The following MYO18B variants were observed in gnomAD, a reference collection of about 807,000 sequenced individuals.
MYO18B encodes the protein unconventional myosin-XVIIIb.
In MYO18B, 204 loss-of-function variants were observed where a neutral mutation model predicts 273.0. That is an observed-to-expected ratio of 0.75 (90% CI 0.67 to 0.84). The LOEUF (loss-of-function observed/expected upper bound fraction) is 0.84. Ranked by LOEUF, MYO18B falls within the 40% of genes least tolerant of loss-of-function variation. The probability of loss-of-function intolerance (pLI) is 0.00; values close to 1 mark genes in which losing one functional copy is unlikely to be tolerated. For synonymous variants in MYO18B, 1,330 were observed against 1,305.7 expected, an observed-to-expected ratio of 1.02 and a Z score of -0.40; for missense variants, 3,212 against 3,287.6, an observed-to-expected ratio of 0.98 and a Z score of 0.56.
intron 21 of MYO18B, among the ~76,000 whole-genome samples, chr22:25,856,741 C>G (rs969915227): frequency 2.6e-5 from 4 of 152,122 alleles, no homozygotes; most frequent in African/African-American, 9.7e-5. Context: ...TAAAAGATGC[C>G]AAGTGCCAAG....
intron 17 of MYO18B, 111 bp downstream of exon 17, chr22:25,835,554 T>C: frequency 7.4e-7 from 1 of 1,345,238 alleles, no homozygotes; most frequent in Non-Finnish European, 1.0e-6. Context: ...GGCTCCAACG[T>C]GCAGAGGTGA....
chr22:25,758,454 T>C (rs2086196777), intron 1 of MYO18B, among the ~76,000 whole-genome samples: 1 of 151,570 alleles, frequency 6.6e-6, no homozygotes, highest in South Asian at 2.1e-4. Flanking sequence ...TCATCACCTG[T>C]TGCATGGATT....
chr22:25,941,405 A>G (rs1429895269), intron 34 of MYO18B, among the ~76,000 whole-genome samples: 2 of 152,142 alleles, frequency 1.3e-5, no homozygotes, highest in Non-Finnish European at 2.9e-5. Flanking sequence ...TCGCCTGTCA[A>G]CCCAACCACC....
chr22:25,788,810 AC>A (rs1301746791), intron 11 of MYO18B, among the ~76,000 whole-genome samples: 1 of 152,054 alleles, frequency 6.6e-6, no homozygotes, highest in African/African-American at 2.4e-5. Context: ...CTGAAAACTC[AC>A]TGGCGACAGT....
chr22:25,846,079 C>CT (rs1418127959), intron 18 of MYO18B, 21 bp from the exon 19 acceptor site: 1 of 1,501,892 alleles, frequency 6.7e-7, no homozygotes, highest in Admixed American at 2.5e-5. Flanking sequence ...GCTCCTCTCT[C>CT]TTTTCCCTCC....
chr22:25,997,303 GCC>G (rs758052274), intron 40 of MYO18B, among the ~76,000 whole-genome samples: 2 of 47,680 alleles, frequency 4.2e-5, no homozygotes, highest in Non-Finnish European at 3.2e-5. Context: ...AAACTCTGTC[GCC>G]AAAAAAAAAA....
chr22:25,808,527 G>A lies in MYO18B; in HGVS notation c.2521+10430G>A, dbSNP rs1225437246. 1.1e-4 allele frequency among the ~76,000 whole-genome samples: 16 copies of A among 152,250 alleles called. No homozygotes were observed. In the South Asian group the frequency reaches 2.5e-3, roughly 24 times the overall value. ...TCTCCACTACAAGGCCACCCAGCTG[G>A]CCAAGCTGGTGGGTACATTCTGGGT... On this transcript the variant is annotated intron_variant, in intron 12 of 43. Coordinates refer to ENST00000335473, the MANE Select transcript of MYO18B (RefSeq NM_032608.7).
At chr22:26,054,342 A>G in the MYO18B span, among the ~76,000 whole-genome samples, 1 of 152,148 alleles carries the variant, frequency 6.6e-6, no homozygotes, top group Admixed American at 6.5e-5. Context: ...CCCTTTTGCA[A>G]GTCCTGTGTG....
chr22:26,004,501 G>A (rs775779133), intron 41 of MYO18B, among the ~76,000 whole-genome samples: 3 of 152,204 alleles, frequency 2.0e-5, no homozygotes, highest in Admixed American at 6.5e-5. Context: ...GACTAGCTGG[G>A]TGACCTTGGC....
chr22:25,750,661 C>G (rs2085905720), intron 1 of MYO18B, among the ~76,000 whole-genome samples: 1 of 152,182 alleles, frequency 6.6e-6, no homozygotes, highest in African/African-American at 2.4e-5. Context: ...AGACAGAATT[C>G]TAAATGAAGA....
chr22:25,836,489 G>C (rs1032292171), intron 17 of MYO18B, among the ~76,000 whole-genome samples: 2 of 152,148 alleles, frequency 1.3e-5, no homozygotes, highest in African/African-American at 4.8e-5. Context: ...GCAGCTTTAT[G>C]GATAGCTCCT....
chr22:25,955,982 G>A (rs1031523044), intron 39 of MYO18B, among the ~76,000 whole-genome samples: 6 of 152,114 alleles, frequency 3.9e-5, no homozygotes, highest in African/African-American at 1.2e-4. Flanking sequence ...AACATTTCTC[G>A]TCTAAATCCT....
chr22:25,844,004 G>T, intron 18 of MYO18B, 110 bp downstream of exon 18: 1 of 978,668 alleles, frequency 1.0e-6, no homozygotes, highest in South Asian at 1.9e-5. Context: ...GCCAGCCCAG[G>T]AATCCCATCC....
At chr22:26,011,854 C>A (rs563860420) in intron 42 of MYO18B, among the ~76,000 whole-genome samples, 1 of 152,304 alleles carries the variant, frequency 6.6e-6, no homozygotes, top group African/African-American at 2.4e-5. Context: ...GTAATCTTTG[C>A]TAATTACTGT....
chr22:25,792,462 G>A (rs981324796), intron 11 of MYO18B, among the ~76,000 whole-genome samples: 1 of 147,976 alleles, frequency 6.8e-6, no homozygotes, highest in Admixed American at 6.8e-5. Context: ...TGGCCTGTGC[G>A]GGCACCTATG....
At chr22:25,894,357 G>GTGGT (rs2091745209) in intron 27 of MYO18B, among the ~76,000 whole-genome samples, 1 of 152,140 alleles carries the variant, frequency 6.6e-6, no homozygotes, top group East Asian at 1.9e-4. Flanking sequence ...GAATAAGTGG[G>GTGGT]TGGTCTCTAT....
chr22:25,990,241 C>T (rs758110888), intron 39 of MYO18B, among the ~76,000 whole-genome samples: 8 of 152,130 alleles, frequency 5.3e-5, no homozygotes, highest in South Asian at 2.1e-4. Flanking sequence ...TAATGGTCCT[C>T]GCTGACTTCC....
intron 21 of MYO18B, among the ~76,000 whole-genome samples, chr22:25,851,985 A>AAG (rs1257311169): frequency 1.3e-5 from 2 of 152,210 alleles, no homozygotes; most frequent in Non-Finnish European, 2.9e-5. Context: ...AAAGAATAAG[A>AAG]ATAGAGTCAT....
At chr22:25,785,766 C>T (rs896570558) in intron 11 of MYO18B, among the ~76,000 whole-genome samples, 3 of 152,174 alleles carry the variant, frequency 2.0e-5, no homozygotes, top group Non-Finnish European at 2.9e-5. Flanking sequence ...ACACTTGTTA[C>T]GTAGGTGAAC....
Sources: gnomAD v4.1 joint callset for allele counts (sites outside exome capture counted in the v4.1 genomes callset) on GRCh38, gnomAD v4.1.1 for gene constraint, MANE v1.5 for transcripts, NCBI Gene and HGNC (gene_info 2026-07-23, HGNC 2026-07-21) for gene names.